REEP5: variants seen among roughly 807,000 people sequenced by gnomAD.
REEP5 encodes receptor accessory protein 5.
REEP5 carries 24 observed loss-of-function variants against 22.4 expected under a neutral mutation model. The observed-to-expected ratio is 1.07, with a 90% CI of 0.78 to 1.51. The LOEUF (loss-of-function observed/expected upper bound fraction) is 1.51. Among genes scored for constraint, REEP5 ranks in the 40% most tolerant of loss-of-function variants. The pLI, the probability that REEP5 is intolerant of heterozygous loss-of-function variation, is 0.00. For missense variants in REEP5, 252 were observed against 233.0 expected (o/e 1.08, Z -0.53); for synonymous variants, 103 against 88.6 (o/e 1.16, Z -0.92).
intron 2 of REEP5, among the ~76,000 whole-genome samples, chr5:112,906,273 C>A (rs1768954600): frequency 6.6e-6 from 1 of 152,166 alleles, no homozygotes; most frequent in African/African-American, 2.4e-5. Flanking sequence ...GCAGGGCACC[C>A]AGCTACAAGT....
At chr5:112,900,430 T>C (rs763463138) in intron 3 of REEP5, among the ~76,000 whole-genome samples, 1 of 152,206 alleles carries the variant, frequency 6.6e-6, no homozygotes, top group African/African-American at 2.4e-5. Context: ...CCTCTACTTT[T>C]TTCTAAAACA....
intron 4 of REEP5, among the ~76,000 whole-genome samples, chr5:112,880,931 C>G (rs979504789): frequency 5.9e-5 from 9 of 152,008 alleles, no homozygotes; most frequent in Non-Finnish European, 1.3e-4. Flanking sequence ...GAGTTTGAAA[C>G]CAGCCTGGCC....
At chr5:112,888,381 G>A (rs868296688) in intron 3 of REEP5, among the ~76,000 whole-genome samples, 2 of 152,186 alleles carry the variant, frequency 1.3e-5, no homozygotes, top group African/African-American at 2.4e-5. Context: ...CTTTGAACTT[G>A]TATAACACTC....
chr5:112,891,702 C>T (rs1467931228), intron 3 of REEP5: 24 of 1,613,916 alleles, frequency 1.5e-5, no homozygotes, highest in Non-Finnish European at 1.9e-5. Flanking sequence ...AACCAAGCCA[C>T]AAAAAGTACA....
intron 4 of REEP5, among the ~76,000 whole-genome samples, chr5:112,883,175 T>TAGCC (rs1037582417): frequency 6.6e-6 from 1 of 152,282 alleles, no homozygotes; most frequent in Non-Finnish European, 1.5e-5. Flanking sequence ...CTTCCAGTTA[T>TAGCC]AGCCCCATTC....
chr5:112,900,488 A>T (rs1364534827), intron 3 of REEP5, among the ~76,000 whole-genome samples: 1 of 152,206 alleles, frequency 6.6e-6, no homozygotes, highest in East Asian at 1.9e-4. Context: ...TCAGGAAAAC[A>T]GGTGGACACT....
At chr5:112,912,436 T>C (rs1769125265) in intron 2 of REEP5, among the ~76,000 whole-genome samples, 1 of 152,216 alleles carries the variant, frequency 6.6e-6, no homozygotes, top group African/African-American at 2.4e-5. Flanking sequence ...TTCATTAAAA[T>C]ATATCTATAT....
chr5:112,884,376 T>C (rs1477377453), intron 4 of REEP5, among the ~76,000 whole-genome samples: 5 of 151,816 alleles, frequency 3.3e-5, no homozygotes, highest in Non-Finnish European at 5.9e-5. Context: ...TTCCTTCTTT[T>C]ACCATTTTCT....
chr5:112,915,881 A>C (rs35043294), intron 2 of REEP5, among the ~76,000 whole-genome samples: 4,650 of 52,402 alleles, frequency 0.089, 171 homozygotes, highest in African/African-American at 0.28. Flanking sequence ...ATTACAATTT[A>C]AAAAAAAAAA....
At chr5:112,881,127 T>TTAAA (rs1768062397) in intron 4 of REEP5, among the ~76,000 whole-genome samples, 1 of 21,646 alleles carries the variant, frequency 4.6e-5, no homozygotes, top group African/African-American at 8.4e-4. Context: ...AGACTCTGTT[T>TTAAA]CAAAAAAAAA....
chr5:112,885,355 A>C (rs549094439), intron 4 of REEP5: 3 of 176,072 alleles, frequency 1.7e-5, no homozygotes, highest in African/African-American at 7.2e-5. Flanking sequence ...TTTGCTAGAA[A>C]ATCAGTTTTT....
intron 2 of REEP5, among the ~76,000 whole-genome samples, chr5:112,919,420 C>A: frequency 6.6e-6 from 1 of 151,324 alleles, no homozygotes. Context: ...TGGTGGCACA[C>A]GCCTGTAATC....
rs372173384 is a variant in REEP5 at position 112,921,267 on chromosome 5, C to T, written c.119-11G>A. 6.2e-7 allele frequency: 1 copy of T among 1,613,656 alleles called. No homozygotes were observed. Among genetic ancestry groups the T allele is most frequent in the African/African-American group, 1.3e-5 (1 of 74,932 alleles). On this transcript the variant is annotated splice_polypyrimidine_tract_variant and intron_variant, in intron 1 of 4. Coordinates refer to ENST00000379638, the MANE Select transcript of REEP5 (RefSeq NM_005669.5). ...CCAGTCCGATGACACCTGGGGACCA[C>T]AAGGAGAGAAGTGGGTCGGGCAGCA...
chr5:112,899,617 T>C (rs78432656), intron 3 of REEP5, among the ~76,000 whole-genome samples: 1 of 152,176 alleles, frequency 6.6e-6, no homozygotes, highest in Non-Finnish European at 1.5e-5. Context: ...TTATATACAG[T>C]TGACAACAAA....
At chr5:112,894,128 T>TTG (rs200434062) in intron 3 of REEP5, 1 of 151,140 alleles carries the variant, frequency 6.6e-6, no homozygotes, top group African/African-American at 2.4e-5. Flanking sequence ...TTTTTTGTTT[T>TTG]TTTTTTTTTT....
At chr5:112,892,488 A>C (rs780068872) in intron 3 of REEP5, 4 of 1,614,226 alleles carry the variant, frequency 2.5e-6, no homozygotes, top group Non-Finnish European at 3.4e-6. Context: ...AGTCGGAAGA[A>C]GAATGCCAAG....
chr5:112,893,410 A>T (rs1455235557), intron 3 of REEP5: 2 of 178,630 alleles, frequency 1.1e-5, no homozygotes, highest in African/African-American at 4.8e-5. Context: ...ACTGTGTCTC[A>T]AAAAATAGAA....
rs1034793806 is a variant in REEP5 at position 112,877,336 on chromosome 5, T to G, written c.*1450A>C. On this transcript the variant is annotated 3_prime_UTR_variant, in exon 5 of 5. Coordinates refer to ENST00000379638, the MANE Select transcript of REEP5 (RefSeq NM_005669.5). ...TAAAAAATACTGTACTGGCTGGATA[T>G]TTAATCTTGTTAGTTTAGTTATACA... 1 of 152,224 alleles carries G rather than the reference T, an allele frequency of 6.6e-6. No homozygotes were observed. The highest frequency in any genetic ancestry group is 1.5e-5 in the Non-Finnish European group (1 of 68,044). 9.4% of individuals were successfully genotyped at this position (152,224 alleles called of 1,614,324 possible).
At chr5:112,921,714 G>C (rs1295218994) in intron 1 of REEP5, 1 of 237,170 alleles carries the variant, frequency 4.2e-6, no homozygotes, top group Non-Finnish European at 8.1e-6. Flanking sequence ...GGGTAGGACC[G>C]GGTACCTCCG....
Sources: gnomAD v4.1 joint callset for allele counts (sites outside exome capture counted in the v4.1 genomes callset) on GRCh38, gnomAD v4.1.1 for gene constraint, MANE v1.5 for transcripts, NCBI Gene and HGNC (gene_info 2026-07-23, HGNC 2026-07-21) for gene names.